SGCZ: variants seen among roughly 807,000 people sequenced by gnomAD.
The protein encoded by SGCZ is zeta-sarcoglycan.
Under a neutral mutation model 41.3 loss-of-function variants are expected in SGCZ, and 40 were observed. The observed-to-expected ratio is 0.97, with a 90% CI of 0.75 to 1.26. The LOEUF is 1.26. Ranked by LOEUF, SGCZ falls within the 50% of genes most tolerant of loss-of-function variation. The pLI is 0.00. For missense variants in SGCZ, 552 were observed against 369.8 expected (o/e 1.49, Z -4.04); for synonymous variants, 206 against 137.5 (o/e 1.50, Z -3.49).
intron 3 of SGCZ, 53 bp from the exon 4 acceptor site, chr8:14,237,732 T>C: frequency 6.6e-7 from 1 of 1,504,950 alleles, no homozygotes. Flanking sequence ...TCGTCAAATT[T>C]ACAAAAAAAT....
intron 1 of SGCZ, among the ~76,000 whole-genome samples, chr8:15,167,408 T>G (rs1284332201): frequency 6.6e-6 from 1 of 151,800 alleles, no homozygotes; most frequent in Non-Finnish European, 1.5e-5. Context: ...GACTGTCACT[T>G]TCTAACAGGT....
chr8:15,231,610 C>CTTTT (rs914572473), intron 1 of SGCZ, among the ~76,000 whole-genome samples: 3 of 72,100 alleles, frequency 4.2e-5, no homozygotes, highest in Non-Finnish European at 8.4e-5. Flanking sequence ...TTAATATATT[C>CTTTT]TTTTTTTTTT....
Position 14,486,114 on chromosome 8 carries a change from G to C in SGCZ, c.234+68618C>G, listed in dbSNP as rs531657305. On this transcript the variant is annotated intron_variant, in intron 2 of 7. Coordinates refer to ENST00000382080, the MANE Select transcript of SGCZ (RefSeq NM_139167.4). Reference sequence around the variant, plus strand: ...AATATTTCAAAAAATATGTAACTATGTTTAGCATGCTCGTTTTTCCCCCTC... The same window carrying C: ...AATATTTCAAAAAATATGTAACTATCTTTAGCATGCTCGTTTTTCCCCCTC... Among the ~76,000 whole-genome samples, 7 of 152,248 alleles carry C rather than the reference G, an allele frequency of 4.6e-5. No individual in the cohort carries two copies. The East Asian group carries it at 1.4e-3, about 29-fold the overall frequency.
At chr8:15,030,567 A>G (rs1319664476) in intron 1 of SGCZ, among the ~76,000 whole-genome samples, 2 of 152,170 alleles carry the variant, frequency 1.3e-5, no homozygotes, top group Non-Finnish European at 2.9e-5. Context: ...ATGCAGAAAA[A>G]AAATGTTCTA....
intron 1 of SGCZ, among the ~76,000 whole-genome samples, chr8:14,938,365 G>A (rs1800153471): frequency 1.3e-5 from 2 of 152,080 alleles, no homozygotes; most frequent in African/African-American, 2.4e-5. Flanking sequence ...GAGATGGCAA[G>A]ACCAATCCCT....
At chr8:14,671,234 G>T (rs554197816) in intron 1 of SGCZ, among the ~76,000 whole-genome samples, 6 of 152,244 alleles carry the variant, frequency 3.9e-5, no homozygotes, top group African/African-American at 1.4e-4. Flanking sequence ...TTCTCGCAGT[G>T]GTGTCATGTG....
At chr8:14,872,824 C>T (rs1563329781) in intron 1 of SGCZ, among the ~76,000 whole-genome samples, 1 of 152,130 alleles carries the variant, frequency 6.6e-6, no homozygotes, top group Non-Finnish European at 1.5e-5. Context: ...ATCTACCCCA[C>T]TTCCCAGCAC....
At position 14,430,829 on chromosome 8, in the gene SGCZ, C is replaced by T. The variant is rs142420419; in HGVS notation, c.235-106625G>A. On this transcript the variant is annotated intron_variant, in intron 2 of 7. Coordinates refer to ENST00000382080, the MANE Select transcript of SGCZ (RefSeq NM_139167.4). ...TCCTCCGTAAAGCTCCTAGAACTTACGTAAGAATTCAGCAAAGTTTCCGGA... is the reference window on the plus strand; with the variant it reads ...TCCTCCGTAAAGCTCCTAGAACTTATGTAAGAATTCAGCAAAGTTTCCGGA... Among the ~76,000 whole-genome samples the T allele has an allele frequency of 2.6e-4, 40 of 152,212 alleles. No homozygotes were observed. In the East Asian group the frequency reaches 6.2e-3, roughly 24 times the overall value.
At chr8:14,392,255 T>C (rs1241853175) in intron 2 of SGCZ, among the ~76,000 whole-genome samples, 1 of 152,210 alleles carries the variant, frequency 6.6e-6, no homozygotes, top group African/African-American at 2.4e-5. Context: ...AATTTTCTAC[T>C]CAAAGTTTAC....
intron 1 of SGCZ, among the ~76,000 whole-genome samples, chr8:14,919,274 A>G (rs1482640109): frequency 6.6e-6 from 1 of 151,746 alleles, no homozygotes; most frequent in East Asian, 2.0e-4. Context: ...TCCCCTCTCT[A>G]CTAAAATACA....
chr8:14,338,130 G>C (rs1563265756), intron 2 of SGCZ, among the ~76,000 whole-genome samples: 1 of 152,176 alleles, frequency 6.6e-6, no homozygotes, highest in African/African-American at 2.4e-5. Flanking sequence ...AGTTTGATCA[G>C]TTTTTGGACC....
intron 5 of SGCZ, among the ~76,000 whole-genome samples, chr8:14,136,453 T>C (rs934175405): frequency 2.6e-5 from 4 of 152,102 alleles, no homozygotes; most frequent in Non-Finnish European, 5.9e-5. Flanking sequence ...GCCCTAATAC[T>C]GCGCTTTTCC....
At chr8:14,361,834 CTTAATGT>C (rs1803525388) in intron 2 of SGCZ, among the ~76,000 whole-genome samples, 1 of 152,266 alleles carries the variant, frequency 6.6e-6, no homozygotes, top group Non-Finnish European at 1.5e-5. Context: ...ATCTTTGGTT[CTTAATGT>C]TGGTGACCTA....
chr8:14,498,744 C>A (rs1213012815), intron 2 of SGCZ, among the ~76,000 whole-genome samples: 1 of 151,936 alleles, frequency 6.6e-6, no homozygotes, highest in Non-Finnish European at 1.5e-5. Flanking sequence ...AGTTCAGAAT[C>A]TTATTTATAT....
intron 1 of SGCZ, among the ~76,000 whole-genome samples, chr8:14,561,492 A>G (rs755092358): frequency 1.3e-5 from 2 of 152,110 alleles, no homozygotes; most frequent in Non-Finnish European, 2.9e-5. Flanking sequence ...AATGCCCTCA[A>G]AATCTGTTTG....
intron 1 of SGCZ, among the ~76,000 whole-genome samples, chr8:14,967,197 T>G (rs75301248): frequency 0.05 from 7,585 of 152,254 alleles, 385 homozygotes; most frequent in African/African-American, 0.12. Flanking sequence ...TATACTGGGA[T>G]GTTATTAAAA....
chr8:14,340,516 G>T (rs932452634), intron 2 of SGCZ, among the ~76,000 whole-genome samples: 1 of 152,114 alleles, frequency 6.6e-6, no homozygotes. Flanking sequence ...TAAGGGAAGA[G>T]ATAATGTCTT....
chr8:14,898,469 C>T (rs1000759715), intron 1 of SGCZ, among the ~76,000 whole-genome samples: 5 of 152,114 alleles, frequency 3.3e-5, no homozygotes, highest in African/African-American at 1.2e-4. Flanking sequence ...GCACTTTATT[C>T]TGAGAAGATA....
At chr8:14,324,627 A>G (rs1017262528) in intron 2 of SGCZ, among the ~76,000 whole-genome samples, 1 of 152,128 alleles carries the variant, frequency 6.6e-6, no homozygotes, top group African/African-American at 2.4e-5. Context: ...AGTCACATTG[A>G]TACAATAATT....
Sources: gnomAD v4.1 joint callset for allele counts (sites outside exome capture counted in the v4.1 genomes callset) on GRCh38, gnomAD v4.1.1 for gene constraint, MANE v1.5 for transcripts, NCBI Gene and HGNC (gene_info 2026-07-23, HGNC 2026-07-21) for gene names.